KCNH8: variants seen among roughly 807,000 people sequenced by gnomAD.
KCNH8 encodes the protein voltage-gated delayed rectifier potassium channel KCNH8.
A neutral mutation model predicts 103.6 loss-of-function variants in KCNH8; 70 were observed. That is an observed-to-expected ratio of 0.68 (90% CI 0.56 to 0.82). KCNH8 has a LOEUF of 0.82. Among genes scored for constraint, KCNH8 ranks in the 40% least tolerant of loss-of-function variants. The probability of loss-of-function intolerance (pLI) is 0.00; values close to 1 mark genes in which losing one functional copy is unlikely to be tolerated. For missense variants in KCNH8, 1,217 were observed against 1,329.9 expected (o/e 0.92, Z 1.32); for synonymous variants, 498 against 489.4 (o/e 1.02, Z -0.23).
intron 8 of KCNH8, 60 bp from the exon 9 acceptor site, chr3:19,450,046 T>A: frequency 7.2e-7 from 1 of 1,385,654 alleles, no homozygotes; most frequent in Non-Finnish European, 1.0e-6. Context: ...AAATTTAGAT[T>A]TACGTGGTGG....
At chr3:19,261,684 G>T (rs902920201) in intron 2 of KCNH8, among the ~76,000 whole-genome samples, 5 of 151,750 alleles carry the variant, frequency 3.3e-5, no homozygotes, top group Non-Finnish European at 7.4e-5. Flanking sequence ...CCAATGTCTT[G>T]GAGAGGAGCT....
intron 5 of KCNH8, among the ~76,000 whole-genome samples, chr3:19,389,719 C>G (rs1384059681): frequency 6.6e-6 from 1 of 152,066 alleles, no homozygotes; most frequent in Non-Finnish European, 1.5e-5. Flanking sequence ...CCTCAACTTC[C>G]TGGGCTCAAG....
chr3:19,300,116 G>A (rs1346103335), intron 3 of KCNH8, among the ~76,000 whole-genome samples: 1 of 152,026 alleles, frequency 6.6e-6, no homozygotes, highest in African/African-American at 2.4e-5. Flanking sequence ...AGGCATGGTG[G>A]CATGTGCCTG....
intron 8 of KCNH8, among the ~76,000 whole-genome samples, chr3:19,440,056 G>T (rs1307238745): frequency 6.6e-6 from 1 of 152,108 alleles, no homozygotes; most frequent in Non-Finnish European, 1.5e-5. Context: ...AACTTAAAAA[G>T]AGTAGAGAAA....
intron 2 of KCNH8, among the ~76,000 whole-genome samples, chr3:19,277,106 A>G (rs2064684908): frequency 6.6e-6 from 1 of 152,152 alleles, no homozygotes; most frequent in Non-Finnish European, 1.5e-5. Context: ...GCACAGAAAG[A>G]CAAATATTGC....
At chr3:19,288,177 AC>A (rs2064860717) in intron 3 of KCNH8, among the ~76,000 whole-genome samples, 1 of 111,544 alleles carries the variant, frequency 9.0e-6, no homozygotes, top group African/African-American at 5.0e-5. Flanking sequence ...GGTGTATCAA[AC>A]TTCTTTTTTT....
At chr3:19,431,981 C>G (rs536527611) in intron 7 of KCNH8, among the ~76,000 whole-genome samples, 2 of 151,226 alleles carry the variant, frequency 1.3e-5, no homozygotes, top group Non-Finnish European at 2.9e-5. Flanking sequence ...AAGGGTTTTT[C>G]GTGTCTCTAC....
intron 1 of KCNH8, among the ~76,000 whole-genome samples, chr3:19,242,336 A>G (rs967423887): frequency 6.6e-6 from 1 of 152,190 alleles, no homozygotes; most frequent in East Asian, 1.9e-4. Flanking sequence ...TGAGATCCCC[A>G]TCACTAGGGT....
Position 19,169,260 on chromosome 3 carries a change from T to C in KCNH8, c.76+20465T>C, listed in dbSNP as rs896146402. ...ACTCTTTTGTTTCTTTCTTTCTTTT[T>C]TTTTTTTTTTTTTTTTGAGACGGAG... On this transcript the variant is annotated intron_variant, in intron 1 of 15. Transcript: ENST00000328405. 8.9e-3 allele frequency among the ~76,000 whole-genome samples: 1,295 copies of C among 145,854 alleles called. 8 individuals carry two copies. The highest frequency in any genetic ancestry group is 0.03 in the African/African-American group (1,178 of 39,376).
intron 4 of KCNH8, among the ~76,000 whole-genome samples, chr3:19,343,637 C>T (rs965173816): frequency 6.6e-6 from 1 of 152,012 alleles, no homozygotes; most frequent in Non-Finnish European, 1.5e-5. Context: ...ATTTTGGAAT[C>T]GATTTAAGAT....
intron 1 of KCNH8, among the ~76,000 whole-genome samples, chr3:19,206,047 G>A (rs537842345): frequency 2.6e-5 from 4 of 151,792 alleles, no homozygotes; most frequent in African/African-American, 9.7e-5. Context: ...CCATTTAGGA[G>A]TGAGAACACA....
chr3:19,326,268 G>T (rs2065421950), intron 3 of KCNH8, among the ~76,000 whole-genome samples: 1 of 151,020 alleles, frequency 6.6e-6, no homozygotes, highest in Admixed American at 6.6e-5. Context: ...GAAATAATCT[G>T]CACAACAACC....
intron 1 of KCNH8, among the ~76,000 whole-genome samples, chr3:19,169,869 C>A (rs1310686699): frequency 1.3e-5 from 2 of 152,118 alleles, no homozygotes; most frequent in Non-Finnish European, 2.9e-5. Context: ...AGTTGTATAT[C>A]ATTTTTTGTT....
chr3:19,289,952 G>A lies in KCNH8; in HGVS notation c.442+8623G>A, dbSNP rs201134505. On this transcript the variant is annotated intron_variant, in intron 3 of 15. Coordinates refer to ENST00000328405, the MANE Select transcript of KCNH8 (RefSeq NM_144633.3). ...AGTGGTTTGTAGTTCTCCTTGAAGA[G>A]GTCCTTCACATCCCTTGTAAGTTGG... Among the ~76,000 whole-genome samples the A allele has an allele frequency of 3.3e-3, 499 of 152,116 alleles. 23 individuals are homozygous for A. The East Asian group carries it at 0.083, about 25-fold the overall frequency.
chr3:19,243,416 A>G (rs924500421), intron 1 of KCNH8, among the ~76,000 whole-genome samples: 11 of 152,196 alleles, frequency 7.2e-5, no homozygotes, highest in African/African-American at 2.4e-4. Context: ...TGTGACCATC[A>G]AATTAGTTTA....
chr3:19,223,880 C>G (rs769782837), intron 1 of KCNH8, among the ~76,000 whole-genome samples: 3 of 152,058 alleles, frequency 2.0e-5, no homozygotes, highest in Non-Finnish European at 2.9e-5. Context: ...AATTTTATCT[C>G]AAAGATTTTA....
chr3:19,406,839 G>A (rs1259686398), intron 7 of KCNH8, among the ~76,000 whole-genome samples: 1 of 152,074 alleles, frequency 6.6e-6, no homozygotes, highest in Non-Finnish European at 1.5e-5. Flanking sequence ...AAAATTAAGA[G>A]TCTATCCTGG....
At position 19,533,882 on chromosome 3, in the gene KCNH8, C is replaced by G. The variant is rs1246502168; in HGVS notation, c.3107C>G (p.Ser1036Cys). The G allele has an allele frequency of 6.2e-7, 1 of 1,614,176 alleles. No homozygotes were observed. Among genetic ancestry groups the G allele is most frequent in the Non-Finnish European group, 8.5e-7 (1 of 1,180,028 alleles). ...ISATLSSSVCSSSETSLHLVL... is the reference protein window; with the variant it reads ...ISATLSSSVCCSSETSLHLVL... The stretch of plus-strand genomic sequence containing the variant: ...GCAACTCTCTCATCTTCTGTCTGCT[C>G]CTCTTCGGAAACATCTTTGCACCTA... The change falls in exon 16 of 16, where the codon TCC becomes TGC. Residue 1036 changes from serine (S) to cysteine (C), a missense_variant. By Grantham distance (112) the Ser-to-Cys change is moderately radical. This residue lies in a region of KCNH8 where 558 missense variants were observed against 495.8 expected (regional missense o/e 1.13). Transcript: ENST00000328405.
chr3:19,394,271 T>C (rs1161230015), intron 6 of KCNH8, among the ~76,000 whole-genome samples: 1 of 152,058 alleles, frequency 6.6e-6, no homozygotes, highest in Non-Finnish European at 1.5e-5. Flanking sequence ...GAAAAGAAGG[T>C]GTGTTATGTG....
Sources: gnomAD v4.1 joint callset for allele counts (sites outside exome capture counted in the v4.1 genomes callset) on GRCh38, gnomAD v4.1.1 for gene constraint, gnomAD v4.1.1 regional missense constraint, MANE v1.5 for transcripts, NCBI Gene and HGNC (gene_info 2026-07-23, HGNC 2026-07-21) for gene names.